The following DMWD variants were observed in gnomAD, a reference collection of about 807,000 sequenced individuals.
DMWD encodes the protein dystrophia myotonica WD repeat-containing protein.
DMWD carries 19 observed loss-of-function variants against 45.8 expected under a neutral mutation model. The ratio of observed to expected loss-of-function variants is 0.41; its 90% CI spans 0.29 to 0.61. The LOEUF (loss-of-function observed/expected upper bound fraction) is 0.61. DMWD is among the 20% of genes least tolerant of loss of function. The pLI, the probability that DMWD is intolerant of heterozygous loss-of-function variation, is 0.25. For missense variants in DMWD, 802 were observed against 965.2 expected (o/e 0.83, Z 2.24); for synonymous variants, 515 against 440.5 (o/e 1.17, Z -2.12).
In DMWD at chr19:45,784,282, G is replaced by A; in HGVS notation, c.1986C>T (p.Ser662=). ...SPSKSVVEGI[S]SQPGNSPSGT... ...CACTCGGGGAGTTGCCTGGTTGGGA[G>A]GAGATGCCCTGGGGAAGATGAGAGG... The change falls in exon 5 of 5, where the codon TCC becomes TCT. Residue 662 remains serine (S), a synonymous_variant. Transcript: ENST00000270223. 2 of 1,516,320 alleles carry A rather than the reference G, an allele frequency of 1.3e-6. No homozygotes were observed. The highest frequency in any genetic ancestry group is 1.3e-5 in the South Asian group (1 of 75,456). 93.9% of individuals were successfully genotyped at this position (1,516,320 alleles called of 1,614,324 possible). A position where few individuals can be genotyped will look rare whatever the true frequency, so the allele number is the denominator to read the frequency against.
rs766944547 is a variant in DMWD at position 45,784,055 on chromosome 19, CA to C, written c.*187del. On this transcript the variant is annotated 3_prime_UTR_variant, in exon 5 of 5. Coordinates refer to ENST00000270223, the MANE Select transcript of DMWD (RefSeq NM_004943.2). ...TGGGTGGGGGACAAGGCTGAGGCCA[CA>C]AGGGCTATTACATCGCCCGTGTCCG... 2 of 649,210 alleles carry C rather than the reference CA, an allele frequency of 3.1e-6. No individual in the cohort carries two copies. The highest frequency in any genetic ancestry group is 3.7e-5 in the African/African-American group (2 of 54,222). 40.2% of individuals were successfully genotyped at this position (649,210 alleles called of 1,614,324 possible).
chr19:45,787,034 GA>G, intron 2 of DMWD, 163 bp from the exon 3 acceptor site: 3 of 1,235,332 alleles, frequency 2.4e-6, no homozygotes, highest in Non-Finnish European at 3.3e-6. Context: ...CCAAACTGGG[GA>G]AGACAGATGG....
intron 2 of DMWD, among the ~76,000 whole-genome samples, chr19:45,788,461 A>G (rs1393773422): frequency 6.6e-6 from 1 of 152,188 alleles, no homozygotes; most frequent in Non-Finnish European, 1.5e-5. Context: ...GCTCCTCCAC[A>G]GGCTTCCAAC....
chr19:45,792,600 G>T lies in DMWD; in HGVS notation c.157C>A (p.Pro53Thr). The change falls in exon 1 of 5, where the codon CCG becomes ACG. Residue 53 changes from proline (P) to threonine (T), a missense_variant. Around this residue, in one of 9 missense-constraint regions of DMWD, gnomAD observed 151 missense variants for 128.1 expected, o/e 1.18. Transcript: ENST00000270223. ...RRSGPASAQT[P>T]VPPQPPQPPP... Reference sequence around the variant, plus strand: ...GGCTGCGGTGGCTGAGGCGGCACCGGAGTCTGGGCGGAAGCCGGACCCGAC... The same window carrying T: ...GGCTGCGGTGGCTGAGGCGGCACCGTAGTCTGGGCGGAAGCCGGACCCGAC... The T allele has an allele frequency of 7.6e-7, 1 of 1,312,244 alleles. No homozygotes were observed. 81.3% of individuals were successfully genotyped at this position (1,312,244 alleles called of 1,614,324 possible). A position where few individuals can be genotyped will look rare whatever the true frequency, so the allele number is the denominator to read the frequency against.
In DMWD at chr19:45,786,438, C is replaced by G; in HGVS notation, c.1058G>C (p.Trp353Ser). 6.2e-7 allele frequency: 1 copy of G among 1,613,388 alleles called. No homozygotes were observed. The highest frequency in any genetic ancestry group is 8.5e-7 in the Non-Finnish European group (1 of 1,179,534). ...TGGEDDLVTVWSFTEGRVVAR... is the reference protein window; with the variant it reads ...TGGEDDLVTVSSFTEGRVVAR... ...CACCACGCGGCCCTCGGTGAAGGAC[C>G]ACACGGTGACCAGGTCATCTTCGCC... The change falls in exon 3 of 5, where the codon TGG (tryptophan) becomes TCG (serine). Residue 353 changes from tryptophan (W) to serine (S), a missense_variant. Physicochemically the swap from Trp to Ser is radical, Grantham distance 177. Around this residue, in one of 9 missense-constraint regions of DMWD, gnomAD observed 146 missense variants for 212.8 expected, o/e 0.69. Coordinates refer to ENST00000270223, the MANE Select transcript of DMWD (RefSeq NM_004943.2).
Position 45,786,323 on chromosome 19 carries a change from A to G in DMWD, c.1173T>C (p.Gly391=), listed in dbSNP as rs1325094070. ...TRAEEAATAA[G]ADGERSGEEE... is the part of the protein sequence containing the mutation. ...CTTCGCCGCTCCGCTCCCCATCAGC[A>G]CCGGCTGCTGTCGCCGCCTCCTCTG... The change falls in exon 3 of 5, where the codon GGT becomes GGC. Residue 391 remains glycine (G), a synonymous_variant. Coordinates refer to ENST00000270223, the MANE Select transcript of DMWD (RefSeq NM_004943.2). 15 of 1,606,554 alleles carry G rather than the reference A, an allele frequency of 9.3e-6. No homozygotes were observed. Among genetic ancestry groups the G allele is most frequent in the Non-Finnish European group, 1.3e-5 (15 of 1,174,924 alleles).
Position 45,783,432 on chromosome 19 carries a change from C to G in DMWD, c.*811G>C. 1 of 396,858 alleles carries G rather than the reference C, an allele frequency of 2.5e-6. No homozygotes were observed. The highest frequency in any genetic ancestry group is 3.6e-5 in the East Asian group (1 of 28,018). The allele number at this position is 396,858 out of a possible 1,614,324, so 24.6% of individuals were successfully genotyped here. A position where few individuals can be genotyped will look rare whatever the true frequency, so the allele number is the denominator to read the frequency against. ...TGGGCAGGGCCTGGGAAACGTGGTC[C>G]TGGGCAGTTCTGATAATTTAAAAAA... is the stretch of plus-strand genomic sequence containing the variant. On this transcript the variant is annotated 3_prime_UTR_variant, in exon 5 of 5. Coordinates refer to ENST00000270223, the MANE Select transcript of DMWD (RefSeq NM_004943.2).
intron 2 of DMWD, chr19:45,787,199 G>C: frequency 2.4e-6 from 1 of 415,576 alleles, no homozygotes; most frequent in Non-Finnish European, 4.5e-6. Flanking sequence ...CCGGGCCATG[G>C]AACAGTAGTG....
intron 2 of DMWD, chr19:45,789,361 CAG>C (rs1410500640): frequency 6.6e-6 from 1 of 152,204 alleles, no homozygotes; most frequent in East Asian, 1.9e-4. Context: ...TCCTCTGGAC[CAG>C]AGAGAATGAG....
intron 1 of DMWD, among the ~76,000 whole-genome samples, chr19:45,791,746 T>G (rs1970358958): frequency 6.6e-6 from 1 of 152,094 alleles, no homozygotes; most frequent in African/African-American, 2.4e-5. Context: ...CTCATTCCCT[T>G]GAGAGCTCCC....
At position 45,785,922 on chromosome 19, in the gene DMWD, G is replaced by A. The variant is rs370442722; in HGVS notation, c.1574C>T (p.Thr525Met). Residue 525 changes from threonine to methionine, a missense_variant, in exon 3 of 5, where the codon ACG becomes ATG. Thr to Met is a moderately conservative substitution (Grantham distance 81). Coordinates refer to ENST00000270223, the MANE Select transcript of DMWD (RefSeq NM_004943.2). ...GTCCCGCCGCTCCTGCAGTGTGAGC[G>A]TGGCGAAGCGGCCAATGCTGAATGG... ...GTPFSIGRFATLTLQERRDRG... is the reference protein window; with the variant it reads ...GTPFSIGRFAMLTLQERRDRG... The A allele has an allele frequency of 5.0e-6, 8 of 1,601,800 alleles. No homozygotes were observed. Among genetic ancestry groups the A allele is most frequent in the South Asian group, 2.2e-5 (2 of 90,842 alleles).
At position 45,786,557 on chromosome 19, in the gene DMWD, G is replaced by A. The variant is rs1268650604; in HGVS notation, c.939C>T (p.Phe313=). 4.3e-6 allele frequency: 7 copies of A among 1,614,048 alleles called. No individual in the cohort carries two copies. The highest frequency in any genetic ancestry group is 5.1e-6 in the Non-Finnish European group (6 of 1,179,968). ...SQDGCLRVFH[F]DSMLLRGLMK... is the part of the protein sequence containing the mutation. ...TGAGCCCACGCAGGAGCATGGAGTC[G>A]AAGTGGAAGACGCGCAGGCAGCCAT... is the stretch of plus-strand genomic sequence containing the variant. The change falls in exon 3 of 5, where the codon TTC becomes TTT. Residue 313 remains phenylalanine, a synonymous_variant. Transcript: ENST00000270223.
Position 45,785,787 on chromosome 19 carries a change from C to T in DMWD, c.1709G>A (p.Arg570His), listed in dbSNP as rs757420017. The change falls in exon 3 of 5, where the codon CGC becomes CAC. Residue 570 changes from arginine (R) to histidine (H), a missense_variant. By Grantham distance (29) the Arg-to-His change is conservative. Around this residue, in one of 9 missense-constraint regions of DMWD, gnomAD observed 303 missense variants for 332.9 expected, o/e 0.91. Coordinates refer to ENST00000270223, the MANE Select transcript of DMWD (RefSeq NM_004943.2). ...GGEKPSGPVP[R>H]SRLDPAKVLG... Reference sequence around the variant, plus strand: ...CACCTTGGCGGGGTCCAGGCGGCTGCGGGGAACAGGGCCGCTGGGCTTCTC... The same window carrying T: ...CACCTTGGCGGGGTCCAGGCGGCTGTGGGGAACAGGGCCGCTGGGCTTCTC... 115 of 1,611,440 alleles carry T rather than the reference C, an allele frequency of 7.1e-5. No homozygotes were observed. The highest frequency in any genetic ancestry group is 1.6e-4 in the Middle Eastern group (1 of 6,066).
In DMWD at chr19:45,783,967, T is replaced by G; in HGVS notation, c.*276A>C. 1 of 602,430 alleles carries G rather than the reference T, an allele frequency of 1.7e-6. No individual in the cohort carries two copies. The allele number at this position is 602,430 out of a possible 1,614,324, so 37.3% of individuals were successfully genotyped here. A position where few individuals can be genotyped will look rare whatever the true frequency, so the allele number is the denominator to read the frequency against. On this transcript the variant is annotated 3_prime_UTR_variant, in exon 5 of 5. Transcript: ENST00000270223. The stretch of plus-strand genomic sequence containing the variant: ...CTCTCCCCAGGAGTGACCAGTCACA[T>G]GCTGGGGACAGGGATGAGGGTAACA...
At position 45,790,956 on chromosome 19, in the gene DMWD, C is replaced by T. The variant is rs758480945; in HGVS notation, c.573G>A (p.Val191=). The change falls in exon 2 of 5, where the codon GTG becomes GTA. Residue 191 remains valine (V), a synonymous_variant. Coordinates refer to ENST00000270223, the MANE Select transcript of DMWD (RefSeq NM_004943.2). ...SLLVGFSAGQ[V]QYLDLIKKDT... ...CCTTTTTGATGAGATCCAGGTACTGCACTTGACCCGCTGAGAAGCCCACCA... is the reference window on the plus strand; with the variant it reads ...CCTTTTTGATGAGATCCAGGTACTGTACTTGACCCGCTGAGAAGCCCACCA... The T allele has an allele frequency of 4.3e-6, 7 of 1,613,640 alleles. No individual in the cohort carries two copies. The highest frequency in any genetic ancestry group is 1.3e-5 in the African/African-American group (1 of 74,948).
In DMWD at chr19:45,786,876, C is replaced by T. The variant is rs552215845; in HGVS notation, c.625-5G>A. On this transcript the variant is annotated splice_region_variant and splice_polypyrimidine_tract_variant and intron_variant, in intron 2 of 4. Coordinates refer to ENST00000270223, the MANE Select transcript of DMWD (RefSeq NM_004943.2). ...CTTGGTCTTGTCGATCAACCGCTGCCAGGGGAGACAGTGTGGGGTTGGGAG... is the reference window on the plus strand; with the variant it reads ...CTTGGTCTTGTCGATCAACCGCTGCTAGGGGAGACAGTGTGGGGTTGGGAG... 3 of 1,611,800 alleles carry T rather than the reference C, an allele frequency of 1.9e-6. No individual in the cohort carries two copies. Among genetic ancestry groups the T allele is most frequent in the Admixed American group, 1.7e-5 (1 of 59,752 alleles).
chr19:45,784,556 TGGGAG>T, intron 4 of DMWD, 80 bp downstream of exon 4: 1 of 821,072 alleles, frequency 1.2e-6, no homozygotes, highest in Non-Finnish European at 1.8e-6. Flanking sequence ...AGGGTAAGGG[TGGGAG>T]GGGAGGGGGA....
rs1970351022 is a variant in DMWD, at chr19:45,791,045, C to T, written c.484G>A (p.Gly162Ser). The change falls in exon 2 of 5, where the codon GGC becomes AGC. Residue 162 changes from glycine to serine, a missense_variant. Transcript: ENST00000270223. Reference protein sequence around the residue: ...NKPIDKRIYKGTQPTCHDFNQ... With the variant: ...NKPIDKRIYKSTQPTCHDFNQ... ...AAATCGTGGCAGGTGGGCTGGGTGCCCTTGTAGATCCGCTTGTCAATTGGC... is the reference window on the plus strand; with the variant it reads ...AAATCGTGGCAGGTGGGCTGGGTGCTCTTGTAGATCCGCTTGTCAATTGGC... 1.2e-6 allele frequency: 2 copies of T among 1,612,630 alleles called. No homozygotes were observed. Among genetic ancestry groups the T allele is most frequent in the Non-Finnish European group, 1.7e-6 (2 of 1,179,386 alleles).
At chr19:45,784,582 C>G in intron 4 of DMWD, 59 bp downstream of exon 4, 3 of 1,613,228 alleles carry the variant, frequency 1.9e-6, no homozygotes, top group Non-Finnish European at 2.5e-6. Flanking sequence ...AACTGGAGCT[C>G]CCTTCTAACT....
Sources: gnomAD v4.1 joint callset for allele counts (sites outside exome capture counted in the v4.1 genomes callset) on GRCh38, gnomAD v4.1.1 for gene constraint, gnomAD v4.1.1 regional missense constraint, MANE v1.5 for transcripts, NCBI Gene and HGNC (gene_info 2026-07-23, HGNC 2026-07-21) for gene names.